The following EEIG2 variants were observed in gnomAD, a reference collection of about 807,000 sequenced individuals.
EEIG2 encodes the protein EEIG family member 2, also known as family with sequence similarity 102 member B.
At chr1:108,597,644 A>G in the EEIG2 span, among the ~76,000 whole-genome samples, 1 of 152,158 alleles carries the variant, frequency 6.6e-6, no homozygotes, top group Non-Finnish European at 1.5e-5. Context: ...TCAGTATGCT[A>G]AACTAGTTAT....
the EEIG2 span, among the ~76,000 whole-genome samples, chr1:108,610,955 AAAAAG>A: frequency 6.6e-6 from 1 of 152,256 alleles, no homozygotes; most frequent in African/African-American, 2.4e-5. Flanking sequence ...CATCTCAAAA[AAAAAG>A]AGAGGCAATA....
At chr1:108,566,575 A>T in the EEIG2 span, among the ~76,000 whole-genome samples, 1 of 152,092 alleles carries the variant, frequency 6.6e-6, no homozygotes, top group Non-Finnish European at 1.5e-5. Flanking sequence ...AGAATTCTGT[A>T]CTCTTATTGT....
the EEIG2 span, among the ~76,000 whole-genome samples, chr1:108,602,329 A>G: frequency 6.6e-6 from 1 of 152,160 alleles, no homozygotes; most frequent in Non-Finnish European, 1.5e-5. Context: ...GTTCAAAGTC[A>G]AGGTGTCAGC....
At chr1:108,576,745 C>T in the EEIG2 span, among the ~76,000 whole-genome samples, 1 of 149,722 alleles carries the variant, frequency 6.7e-6, no homozygotes, top group South Asian at 2.1e-4. Context: ...TGAATAATGC[C>T]GCAATAAACA....
the EEIG2 span, among the ~76,000 whole-genome samples, chr1:108,586,181 C>A: frequency 6.6e-6 from 1 of 152,032 alleles, no homozygotes; most frequent in Non-Finnish European, 1.5e-5. Context: ...CTACTCCAGA[C>A]ATGCATGCAG....
At chr1:108,612,841 C>T in the EEIG2 span, among the ~76,000 whole-genome samples, 1 of 152,134 alleles carries the variant, frequency 6.6e-6, no homozygotes, top group African/African-American at 2.4e-5. Flanking sequence ...AAGTACTTTG[C>T]GCCTAGGAAA....
At chr1:108,593,296 C>A in the EEIG2 span, among the ~76,000 whole-genome samples, 3 of 152,202 alleles carry the variant, frequency 2.0e-5, no homozygotes, top group Non-Finnish European at 4.4e-5. Context: ...CCTCGAGGTC[C>A]AAAATGACTG....
chr1:108,598,983 T>G, the EEIG2 span, among the ~76,000 whole-genome samples: 1 of 151,936 alleles, frequency 6.6e-6, no homozygotes, highest in Non-Finnish European at 1.5e-5. Flanking sequence ...CTGGATAACA[T>G]AGAGAGACCC....
chr1:108,600,726 A>G, the EEIG2 span: 14 of 1,578,104 alleles, frequency 8.9e-6, no homozygotes, highest in South Asian at 2.3e-5. Context: ...TTCAGAAACC[A>G]TAATTAGTTC....
At chr1:108,631,293 G>C in the EEIG2 span, among the ~76,000 whole-genome samples, 1 of 152,198 alleles carries the variant, frequency 6.6e-6, no homozygotes, top group Admixed American at 6.5e-5. Context: ...TATTTATAAA[G>C]TTTCATTGGA....
chr1:108,584,556 C>T, the EEIG2 span, among the ~76,000 whole-genome samples: 1 of 152,122 alleles, frequency 6.6e-6, no homozygotes, highest in African/African-American at 2.4e-5. Flanking sequence ...TAAGAATAAA[C>T]GCATTTAGTG....
chr1:108,601,455 AGT>A, the EEIG2 span, among the ~76,000 whole-genome samples: 4 of 151,672 alleles, frequency 2.6e-5, no homozygotes, highest in African/African-American at 9.6e-5. Context: ...TGGTATTTTA[AGT>A]ATTACATAAA....
At chr1:108,585,110 C>T in the EEIG2 span, among the ~76,000 whole-genome samples, 2 of 152,010 alleles carry the variant, frequency 1.3e-5, no homozygotes, top group African/African-American at 4.8e-5. Context: ...CTGTAACTTC[C>T]GTCATTATGC....
the EEIG2 span, among the ~76,000 whole-genome samples, chr1:108,570,338 A>G: frequency 1.7e-3 from 257 of 152,150 alleles, 8 homozygotes; most frequent in South Asian, 0.043. Context: ...AGGAAGGGAG[A>G]GGAAGTGGTC....
At chr1:108,561,200 C>T in the EEIG2 span, among the ~76,000 whole-genome samples, 23 of 152,290 alleles carry the variant, frequency 1.5e-4, no homozygotes, top group East Asian at 1.4e-3. Context: ...AGGCCCTGCC[C>T]TCATTTTAAA....
the EEIG2 span, chr1:108,600,765 C>G: frequency 6.9e-7 from 1 of 1,451,316 alleles, no homozygotes; most frequent in South Asian, 1.4e-5. Flanking sequence ...TTGTTTATCT[C>G]TGCTTTATCT....
the EEIG2 span, chr1:108,631,142 A>G: frequency 2.5e-6 from 1 of 400,044 alleles, no homozygotes; most frequent in Non-Finnish European, 5.0e-6. Context: ...TCTGCTTATT[A>G]AATTCAGTAA....
the EEIG2 span, among the ~76,000 whole-genome samples, chr1:108,573,338 T>C: frequency 6.6e-6 from 1 of 152,246 alleles, no homozygotes; most frequent in Non-Finnish European, 1.5e-5. Context: ...TTTTTCATTA[T>C]CTTATGTGAC....
At chr1:108,614,090 C>T in the EEIG2 span, among the ~76,000 whole-genome samples, 1 of 151,322 alleles carries the variant, frequency 6.6e-6, no homozygotes, top group South Asian at 2.1e-4. Flanking sequence ...CACTCTCCCA[C>T]TATCCATCAG....
Sources: allele counts gnomAD v4.1 joint callset (sites outside exome capture counted in the v4.1 genomes callset), GRCh38; gene constraint gnomAD v4.1.1; transcripts MANE v1.5; gene names NCBI Gene and HGNC (gene_info 2026-07-23, HGNC 2026-07-21).